USP9X: variants seen among roughly 807,000 people sequenced by gnomAD.
USP9X encodes ubiquitin carboxyl-terminal hydrolase 9X.
USP9X carries 7 observed loss-of-function variants against 190.3 expected under a neutral mutation model. That is an observed-to-expected ratio of 0.04 (90% CI 0.02 to 0.07). The LOEUF is 0.07. Ranked by LOEUF, USP9X falls within the 10% of genes least tolerant of loss-of-function variation. The pLI is 1.00. For missense variants in USP9X, 1,010 were observed against 1,916.9 expected (o/e 0.53, Z 8.83); for synonymous variants, 645 against 659.5 (o/e 0.98, Z 0.34).
At chrX:41,211,111 C>A (rs952436201) in intron 33 of USP9X, among the ~76,000 whole-genome samples, 7 of 111,539 alleles carry the variant, frequency 6.3e-5, no homozygotes, top group African/African-American at 2.0e-4. Context: ...GCTGCCTCAG[C>A]CTCTCAAATA....
chrX:41,122,471 C>T (rs189246009), intron 1 of USP9X, among the ~76,000 whole-genome samples: 11 of 112,068 alleles, frequency 9.8e-5, no homozygotes, highest in Admixed American at 5.7e-4. Context: ...AGTTCCCTGA[C>T]GCCCTCACAG....
At chrX:41,164,461 T>C (rs1003374117) in intron 15 of USP9X, among the ~76,000 whole-genome samples, 2 of 111,446 alleles carry the variant, frequency 1.8e-5, no homozygotes, top group African/African-American at 6.5e-5. Context: ...GCATGTGTTA[T>C]ATGTCTCTTA....
chrX:41,169,917 C>A, intron 18 of USP9X, 78 bp from the exon 19 acceptor site: 1 of 1,113,458 alleles, frequency 9.0e-7, no homozygotes, highest in Non-Finnish European at 1.2e-6. Context: ...AGTGTTAAAT[C>A]CCCAGCATTA....
chrX:41,168,090 C>T lies in USP9X; in HGVS notation c.2508C>T (p.Asp836=), dbSNP rs1316127511. The T allele has an allele frequency of 8.3e-7, 1 of 1,209,496 alleles. No homozygotes were observed. Among genetic ancestry groups the T allele is most frequent in the Non-Finnish European group, 1.1e-6 (1 of 894,940 alleles). Residue 836 remains aspartate, a synonymous_variant, in exon 18 of 45, where the codon GAC becomes GAT. Transcript: ENST00000378308. ...ACACATTGTGTGTTTTGGATGGTGACAAAGACAGTGTTAATTGTGCAAGAC... is the reference window on the plus strand; with the variant it reads ...ACACATTGTGTGTTTTGGATGGTGATAAAGACAGTGTTAATTGTGCAAGAC... The part of the protein sequence containing the change: ...SYDTLCVLDG[D]KDSVNCARQE...
At chrX:41,201,656 T>C (rs1429314876) in intron 31 of USP9X, among the ~76,000 whole-genome samples, 3 of 112,813 alleles carry the variant, frequency 2.7e-5, no homozygotes, top group Non-Finnish European at 5.6e-5. Context: ...AGATAATTTT[T>C]AGAATGGTTT....
intron 1 of USP9X, among the ~76,000 whole-genome samples, chrX:41,103,805 G>A (rs1282264276): frequency 9.0e-6 from 1 of 111,431 alleles, no homozygotes; most frequent in Non-Finnish European, 1.9e-5. Context: ...CTAGCATTTG[G>A]CATTAGGTGA....
intron 26 of USP9X, 159 bp downstream of exon 26, chrX:41,189,634 A>C (rs181972476): frequency 4.9e-5 from 22 of 452,125 alleles, no homozygotes; most frequent in Admixed American, 2.8e-4. Context: ...GCTTAACCTA[A>C]ATGTTTGGTT....
At chrX:41,150,781 CTCTT>C (rs2147074500) in intron 12 of USP9X, 136 bp from the exon 13 acceptor site, 1 of 613,209 alleles carries the variant, frequency 1.6e-6, no homozygotes, top group Admixed American at 4.8e-5. Flanking sequence ...TTAAATTAAA[CTCTT>C]TACTGTAATT....
intron 21 of USP9X, among the ~76,000 whole-genome samples, chrX:41,177,105 G>A (rs1191217004): frequency 8.9e-6 from 1 of 111,988 alleles, no homozygotes; most frequent in Non-Finnish European, 1.9e-5. Context: ...AAATAGCTTA[G>A]TATATGTCTT....
intron 31 of USP9X, among the ~76,000 whole-genome samples, chrX:41,202,698 T>C (rs1385187976): frequency 1.8e-5 from 2 of 111,572 alleles, no homozygotes; most frequent in African/African-American, 3.3e-5. Context: ...CTTATACCCA[T>C]ACCTGATTAA....
intron 38 of USP9X, among the ~76,000 whole-genome samples, chrX:41,222,248 C>G (rs2284112): frequency 0.42 from 45,755 of 110,187 alleles, 7,014 homozygotes; most frequent in East Asian, 0.51. Context: ...AGAAGATAGC[C>G]TGGCATGGGA....
chrX:41,101,020 A>T (rs1011806674), intron 1 of USP9X, among the ~76,000 whole-genome samples: 1 of 111,390 alleles, frequency 9.0e-6, no homozygotes, highest in Admixed American at 9.6e-5. Context: ...AAAATTGCTG[A>T]CCTCTGGTCT....
intron 11 of USP9X, among the ~76,000 whole-genome samples, chrX:41,146,587 C>T (rs1180888209): frequency 7.6e-5 from 8 of 105,518 alleles, no homozygotes; most frequent in African/African-American, 2.8e-4. Flanking sequence ...CCTCATTGTG[C>T]TTGTGCTTTT....
intron 1 of USP9X, among the ~76,000 whole-genome samples, chrX:41,088,516 T>C (rs780902206): frequency 8.9e-6 from 1 of 112,373 alleles, no homozygotes; most frequent in Non-Finnish European, 1.9e-5. Flanking sequence ...CGTTTTAGTT[T>C]CAAAATTTTA....
intron 2 of USP9X, among the ~76,000 whole-genome samples, chrX:41,126,267 T>TA (rs2062250455): frequency 8.9e-6 from 1 of 111,936 alleles, no homozygotes; most frequent in South Asian, 3.7e-4. Context: ...CATAAAATAT[T>TA]AAAGTGTATG....
At chrX:41,187,878 C>CA (rs2062895912) in intron 24 of USP9X, 114 bp from the exon 25 acceptor site, 1 of 320,465 alleles carries the variant, frequency 3.1e-6, no homozygotes, top group African/African-American at 3.2e-5. Context: ...AATTTAAAAA[C>CA]AATGGTACTA....
chrX:41,181,741 G>A (rs2062829251), intron 21 of USP9X, among the ~76,000 whole-genome samples: 1 of 110,206 alleles, frequency 9.1e-6, no homozygotes, highest in South Asian at 3.8e-4. Context: ...GAGCCACTGC[G>A]CCCGGCCCAC....
intron 4 of USP9X, among the ~76,000 whole-genome samples, chrX:41,133,274 A>C (rs2062340335): frequency 8.9e-6 from 1 of 111,897 alleles, no homozygotes; most frequent in African/African-American, 3.3e-5. Context: ...AGTTGTTTTC[A>C]CCACTCAGAA....
intron 14 of USP9X, among the ~76,000 whole-genome samples, chrX:41,159,985 A>G (rs1290101152): frequency 9.1e-6 from 1 of 110,466 alleles, no homozygotes; most frequent in African/African-American, 3.3e-5. Context: ...ATTTAAATGG[A>G]TAGATTTTAT....
Sources: allele counts gnomAD v4.1 joint callset (sites outside exome capture counted in the v4.1 genomes callset), GRCh38; gene constraint gnomAD v4.1.1; transcripts MANE v1.5; gene names NCBI Gene and HGNC (gene_info 2026-07-23, HGNC 2026-07-21).